Variants in COBLL1 observed in about 807,000 individuals in gnomAD.
COBLL1 encodes cordon-bleu WH2 repeat protein like 1, also known as cordon-bleu protein-like 1.
In COBLL1, 50 loss-of-function variants were observed where a neutral mutation model predicts 94.8. The observed-to-expected ratio is 0.53, with a 90% CI of 0.42 to 0.67. COBLL1 has a LOEUF of 0.67. Among genes scored for constraint, COBLL1 ranks in the 30% least tolerant of loss-of-function variants. The pLI is 0.00. For synonymous variants in COBLL1, 448 were observed against 473.8 expected (o/e 0.95, Z 0.71); for missense variants, 1,362 against 1,348.7 (o/e 1.01, Z -0.15).
chr2:164,669,891 TAAGTA>T (rs1163792577), intron 1 of COBLL1, among the ~76,000 whole-genome samples: 1 of 152,222 alleles, frequency 6.6e-6, no homozygotes, highest in Non-Finnish European at 1.5e-5. Context: ...AGTAAAGCAT[TAAGTA>T]AATTGTCTTT....
chr2:164,836,110 T>C (rs1294453372), intron 2 of COBLL1, among the ~76,000 whole-genome samples: 2 of 152,124 alleles, frequency 1.3e-5, no homozygotes, highest in Non-Finnish European at 2.9e-5. Flanking sequence ...ATAGCATTTT[T>C]AATAAATAAT....
intron 2 of COBLL1, among the ~76,000 whole-genome samples, chr2:164,756,263 T>A (rs1054080159): frequency 3.3e-5 from 5 of 152,152 alleles, no homozygotes; most frequent in African/African-American, 1.2e-4. Context: ...AGAAAACATA[T>A]GACTCCTAAA....
chr2:164,783,313 T>TG (rs1263652411), intron 2 of COBLL1, among the ~76,000 whole-genome samples: 1 of 152,154 alleles, frequency 6.6e-6, no homozygotes, highest in Admixed American at 6.5e-5. Flanking sequence ...CTCAGGAGGC[T>TG]GAGGCAGGAG....
chr2:164,745,671 A>G (rs3769891), intron 2 of COBLL1, among the ~76,000 whole-genome samples: 49,116 of 152,032 alleles, frequency 0.32, 9,323 homozygotes, highest in African/African-American at 0.53. Context: ...GGAAGAAAAC[A>G]CAACTTTCTT....
rs917511753 is a variant in COBLL1, at chr2:164,684,733, C to T, written c.*1213G>A. On this transcript the variant is annotated 3_prime_UTR_variant, in exon 14 of 14. Transcript: ENST00000652658. The stretch of plus-strand genomic sequence containing the variant: ...TAAGGGAAATAAATATGCTGGTTGA[C>T]ACAAACTATATATTTTAAAAAGCAC... 3 of 152,054 alleles carry T rather than the reference C, an allele frequency of 2.0e-5. No individual in the cohort carries two copies. Among genetic ancestry groups the T allele is most frequent in the Middle Eastern group, 3.4e-3 (1 of 294 alleles). The allele number at this position is 152,054 out of a possible 1,614,324, so 9.4% of individuals were successfully genotyped here.
chr2:164,792,567 A>G (rs1363943175), intron 2 of COBLL1, among the ~76,000 whole-genome samples: 1 of 152,194 alleles, frequency 6.6e-6, no homozygotes, highest in Non-Finnish European at 1.5e-5. Flanking sequence ...TTCATTATGT[A>G]ACCTTAAGTA....
At chr2:164,818,525 C>A (rs1684966141) in intron 2 of COBLL1, among the ~76,000 whole-genome samples, 1 of 144,052 alleles carries the variant, frequency 6.9e-6, no homozygotes, top group Admixed American at 7.1e-5. Flanking sequence ...TACTTATATA[C>A]AATATACATA....
chr2:164,789,103 G>A (rs1352352033), intron 2 of COBLL1, among the ~76,000 whole-genome samples: 1 of 151,166 alleles, frequency 6.6e-6, no homozygotes, highest in South Asian at 2.1e-4. Flanking sequence ...AGCTACTTGG[G>A]AGGCTGAAGT....
At chr2:164,805,363 A>ATATATATATATAT (rs1553480466) in intron 2 of COBLL1, among the ~76,000 whole-genome samples, 24 of 115,848 alleles carry the variant, frequency 2.1e-4, no homozygotes, top group African/African-American at 2.7e-4. Flanking sequence ...ATATATATAT[A>ATATATATATATAT]AAACTAAAGT....
intron 7 of COBLL1, among the ~76,000 whole-genome samples, chr2:164,720,333 G>A (rs777091855): frequency 6.6e-6 from 1 of 152,044 alleles, no homozygotes; most frequent in Non-Finnish European, 1.5e-5. Flanking sequence ...AGCAGAGGGA[G>A]AGAATCAAAA....
At chr2:164,677,670 C>T (rs1052910717), downstream of COBLL1, among the ~76,000 whole-genome samples, 6 of 152,154 alleles carry the variant, frequency 3.9e-5, no homozygotes, top group South Asian at 4.1e-4. Flanking sequence ...TGACTCTCTA[C>T]CCTTCTCACA....
In COBLL1 at chr2:164,700,766, A is replaced by C. The variant is rs748291048; in HGVS notation, c.1226-10T>G. 2 of 1,492,468 alleles carry C rather than the reference A, an allele frequency of 1.3e-6. No individual in the cohort carries two copies. The highest frequency in any genetic ancestry group is 3.5e-5 in the Admixed American group (2 of 57,734). The allele number at this position is 1,492,468 out of a possible 1,614,324, so 92.5% of individuals were successfully genotyped here. A position where few individuals can be genotyped will look rare whatever the true frequency, so the allele number is the denominator to read the frequency against. On this transcript the variant is annotated splice_polypyrimidine_tract_variant and intron_variant, in intron 9 of 13. Transcript: ENST00000652658. ...TCAGAGCTTATTCCAGCTACAAAGAAATGCAGATATAATCCTAAATATTAA... is the reference window on the plus strand; with the variant it reads ...TCAGAGCTTATTCCAGCTACAAAGACATGCAGATATAATCCTAAATATTAA...
chr2:164,692,034 T>C (rs993060737), intron 13 of COBLL1, among the ~76,000 whole-genome samples, 187 bp downstream of exon 13: 2 of 152,256 alleles, frequency 1.3e-5, no homozygotes, highest in African/African-American at 2.4e-5. Flanking sequence ...TTGTGGAAAA[T>C]AGACCTGACA....
chr2:164,668,586 T>A (rs1351633005), intron 1 of COBLL1, among the ~76,000 whole-genome samples: 3 of 152,208 alleles, frequency 2.0e-5, no homozygotes, highest in African/African-American at 7.2e-5. Flanking sequence ...CTAATCAAAT[T>A]ACCTGATGCA....
intron 1 of COBLL1, among the ~76,000 whole-genome samples, chr2:164,668,285 T>C (rs1691196616): frequency 6.6e-6 from 1 of 152,158 alleles, no homozygotes; most frequent in Non-Finnish European, 1.5e-5. Flanking sequence ...TTGACATGCC[T>C]TCCTCACTAA....
chr2:164,660,392 T>C (rs1418391582), intron 2 of COBLL1, among the ~76,000 whole-genome samples: 1 of 152,132 alleles, frequency 6.6e-6, no homozygotes, highest in Non-Finnish European at 1.5e-5. Flanking sequence ...TACTTGGGGA[T>C]TGGGAGAAAG....
chr2:164,836,155 T>C (rs1683308391), intron 2 of COBLL1, among the ~76,000 whole-genome samples: 1 of 152,122 alleles, frequency 6.6e-6, no homozygotes, highest in Non-Finnish European at 1.5e-5. Flanking sequence ...AAAATCCTAC[T>C]TTTGAAATAT....
intron 2 of COBLL1, among the ~76,000 whole-genome samples, chr2:164,781,635 G>A (rs1231590903): frequency 6.6e-6 from 1 of 152,186 alleles, no homozygotes; most frequent in Non-Finnish European, 1.5e-5. Context: ...AGTACACCTT[G>A]GAGGCAGGAC....
At chr2:164,717,271 C>A (rs1015663322) in intron 7 of COBLL1, among the ~76,000 whole-genome samples, 2 of 152,196 alleles carry the variant, frequency 1.3e-5, no homozygotes, top group Non-Finnish European at 2.9e-5. Flanking sequence ...AATTCACATA[C>A]TTAGAACCAA....
Sources: allele counts gnomAD v4.1 joint callset (sites outside exome capture counted in the v4.1 genomes callset), GRCh38; gene constraint gnomAD v4.1.1; transcripts MANE v1.5; gene names NCBI Gene and HGNC (gene_info 2026-07-23, HGNC 2026-07-21).